SLC8A1: variants seen among roughly 807,000 people sequenced by gnomAD.
The protein encoded by SLC8A1 is solute carrier family 8 member A1, also known as sodium/calcium exchanger 1.
SLC8A1 carries 18 observed loss-of-function variants against 68.3 expected under a neutral mutation model. The ratio of observed to expected loss-of-function variants is 0.26; its 90% CI spans 0.18 to 0.39. The LOEUF (loss-of-function observed/expected upper bound fraction) is 0.39. SLC8A1 is among the 10% of genes least tolerant of loss of function. SLC8A1 has a pLI of 1.00. For missense variants in SLC8A1, 985 were observed against 1,156.7 expected, an observed-to-expected ratio of 0.85 and a Z score of 2.15; for synonymous variants, 475 against 415.5, an observed-to-expected ratio of 1.14 and a Z score of -1.74.
At chr2:40,247,747 T>C (rs1558940953) in intron 2 of SLC8A1, among the ~76,000 whole-genome samples, 6 of 152,204 alleles carry the variant, frequency 3.9e-5, no homozygotes, top group Admixed American at 3.9e-4. Context: ...GGAAAGGGAC[T>C]TAGGGATTAT....
intron 2 of SLC8A1, among the ~76,000 whole-genome samples, chr2:40,256,141 A>C (rs1433918839): frequency 6.6e-6 from 1 of 152,214 alleles, no homozygotes; most frequent in African/African-American, 2.4e-5. Context: ...TAAAACCATA[A>C]GACACACGGC....
At chr2:40,508,272 C>T (rs1021611805) in intron 1 of SLC8A1, among the ~76,000 whole-genome samples, 1 of 151,486 alleles carries the variant, frequency 6.6e-6, no homozygotes, top group South Asian at 2.1e-4. Flanking sequence ...GACATTTCCT[C>T]GTCCTCATCA....
At chr2:40,274,917 C>T (rs2066506883) in intron 2 of SLC8A1, among the ~76,000 whole-genome samples, 1 of 152,124 alleles carries the variant, frequency 6.6e-6, no homozygotes, top group African/African-American at 2.4e-5. Flanking sequence ...TAAATGGAAG[C>T]TATATATAGA....
At chr2:40,439,943 T>A (rs1469617883) in intron 1 of SLC8A1, among the ~76,000 whole-genome samples, 1 of 152,170 alleles carries the variant, frequency 6.6e-6, no homozygotes, top group Non-Finnish European at 1.5e-5. Flanking sequence ...TAACACCAAG[T>A]GTCTATTTAC....
chr2:40,371,351 G>A (rs1677982467), intron 2 of SLC8A1, among the ~76,000 whole-genome samples: 1 of 152,080 alleles, frequency 6.6e-6, no homozygotes, highest in Non-Finnish European at 1.5e-5. Context: ...TAGGTAAGAA[G>A]GGGGAGAAAA....
In SLC8A1 at chr2:40,184,186, A is replaced by G. The variant is rs188386705; in HGVS notation, c.1809-6331T>C. Among the ~76,000 whole-genome samples, 512 of 152,238 alleles carry G rather than the reference A, an allele frequency of 3.4e-3. 3 individuals are homozygous for G. The highest frequency in any genetic ancestry group is 0.011 in the African/African-American group (471 of 41,548). ...AGTGAGACACTGTCTCAATCAATCA[A>G]TCAACCAATAAAAATGTTTAAACAT... On this transcript the variant is annotated intron_variant, in intron 2 of 7. Transcript: ENST00000406785.
chr2:40,211,801 T>C (rs948860606), intron 2 of SLC8A1, among the ~76,000 whole-genome samples: 1 of 152,184 alleles, frequency 6.6e-6, no homozygotes, highest in Non-Finnish European at 1.5e-5. Flanking sequence ...CTCTTTTATT[T>C]CATGGGAGTG....
intron 2 of SLC8A1, among the ~76,000 whole-genome samples, chr2:40,345,568 A>T (rs1037823163): frequency 1.6e-4 from 24 of 152,168 alleles, no homozygotes; most frequent in African/African-American, 5.8e-4. Flanking sequence ...AATAAAAAAA[A>T]GAAACAGCAA....
intron 2 of SLC8A1, among the ~76,000 whole-genome samples, chr2:40,420,787 T>C (rs1045024521): frequency 6.6e-6 from 1 of 152,166 alleles, no homozygotes; most frequent in African/African-American, 2.4e-5. Context: ...CACAGCCTGA[T>C]ACATATTCCT....
At chr2:40,294,055 C>A (rs959879986) in intron 2 of SLC8A1, among the ~76,000 whole-genome samples, 1 of 152,110 alleles carries the variant, frequency 6.6e-6, no homozygotes, top group Non-Finnish European at 1.5e-5. Context: ...GGGAAACCAA[C>A]TAGAATTTGC....
intron 2 of SLC8A1, among the ~76,000 whole-genome samples, chr2:40,263,313 G>A (rs1188712746): frequency 6.6e-6 from 1 of 152,152 alleles, no homozygotes; most frequent in Non-Finnish European, 1.5e-5. Flanking sequence ...ACATATAATA[G>A]CAACACAGTG....
At chr2:40,098,931 C>T (rs1040944937) in exon 8 of SLC8A1, 1 of 151,796 alleles carries the variant, frequency 6.6e-6, no homozygotes, top group South Asian at 2.1e-4. Context: ...CCACTTTTAA[C>T]GTTTCGTTTA....
intron 1 of SLC8A1, among the ~76,000 whole-genome samples, chr2:40,507,454 T>C (rs1002581081): frequency 6.6e-6 from 1 of 152,082 alleles, no homozygotes; most frequent in Non-Finnish European, 1.5e-5. Context: ...AAAAACTTTT[T>C]CAAGTGATTA....
At chr2:40,307,976 G>T (rs776181476) in intron 2 of SLC8A1, among the ~76,000 whole-genome samples, 17 of 151,690 alleles carry the variant, frequency 1.1e-4, no homozygotes, top group Non-Finnish European at 2.4e-4. Flanking sequence ...AAAAGAGTCA[G>T]AAAAATAAAT....
intron 3 of SLC8A1, 35 bp downstream of exon 4, chr2:40,175,226 A>T: frequency 6.2e-7 from 1 of 1,605,570 alleles, no homozygotes; most frequent in East Asian, 2.2e-5. Context: ...TAATCTAGAA[A>T]AATGGAAAGG....
chr2:40,311,199 C>A (rs923767875), intron 2 of SLC8A1, among the ~76,000 whole-genome samples: 4 of 152,020 alleles, frequency 2.6e-5, no homozygotes, highest in African/African-American at 9.7e-5. Flanking sequence ...CCAAAATATG[C>A]ACATAAATAT....
At chr2:40,407,074 T>A (rs1690603383) in intron 2 of SLC8A1, among the ~76,000 whole-genome samples, 1 of 152,226 alleles carries the variant, frequency 6.6e-6, no homozygotes, top group African/African-American at 2.4e-5. Context: ...GATTTGTGTG[T>A]GGGTGTGTGT....
intron 2 of SLC8A1, among the ~76,000 whole-genome samples, chr2:40,286,890 C>A (rs145916629): frequency 1.3e-5 from 2 of 152,304 alleles, no homozygotes; most frequent in East Asian, 3.9e-4. Context: ...CTGTATTCGT[C>A]CTTGCACGTT....
intron 1 of SLC8A1, among the ~76,000 whole-genome samples, chr2:40,480,218 A>T (rs1301253240): frequency 6.6e-6 from 1 of 152,180 alleles, no homozygotes; most frequent in Non-Finnish European, 1.5e-5. Context: ...CCAAATGTGA[A>T]CTACTTATTG....
Sources: allele counts gnomAD v4.1 joint callset (sites outside exome capture counted in the v4.1 genomes callset), GRCh38; gene constraint gnomAD v4.1.1; transcripts MANE v1.5; gene names NCBI Gene and HGNC (gene_info 2026-07-23, HGNC 2026-07-21).